The following CDH10 variants were observed in gnomAD, a reference collection of about 807,000 sequenced individuals.
The protein encoded by CDH10 is cadherin-10.
A neutral mutation model predicts 73.1 loss-of-function variants in CDH10; 30 were observed. That is an observed-to-expected ratio of 0.41 (90% CI 0.31 to 0.56). The LOEUF is 0.56. Ranked by LOEUF, CDH10 falls within the 20% of genes least tolerant of loss-of-function variation. The pLI, the probability that CDH10 is intolerant of heterozygous loss-of-function variation, is 0.27. For missense variants in CDH10, 815 were observed against 973.7 expected, an observed-to-expected ratio of 0.84 and a Z score of 2.17; for synonymous variants, 345 against 348.2, an observed-to-expected ratio of 0.99 and a Z score of 0.10.
intron 5 of CDH10, among the ~76,000 whole-genome samples, chr5:24,533,257 G>A (rs1743813912): frequency 6.6e-6 from 1 of 151,708 alleles, no homozygotes; most frequent in South Asian, 2.1e-4. Context: ...AACCCGGGAG[G>A]TGGAGGTTGC....
chr5:24,536,815 G>A (rs1049466564), intron 3 of CDH10, among the ~76,000 whole-genome samples: 1 of 151,468 alleles, frequency 6.6e-6, no homozygotes, highest in Non-Finnish European at 1.5e-5. Context: ...TTTTCAACTG[G>A]TTTTTTTCGA....
At position 24,504,776 on chromosome 5, in the gene CDH10, G is replaced by A. The variant is rs182808637; in HGVS notation, c.1393+336C>T. ...CCTGACCTCGTGATCCGCCCACCTC[G>A]GCCTCCCAAAGTGCTGGGATTACAG... On this transcript the variant is annotated intron_variant, in intron 8 of 11. Transcript: ENST00000264463. Among the ~76,000 whole-genome samples, 952 of 151,442 alleles carry A rather than the reference G, an allele frequency of 6.3e-3. 5 individuals are homozygous for A. The highest frequency in any genetic ancestry group is 0.011 in the Non-Finnish European group (755 of 67,854).
At position 24,586,642 on chromosome 5, in the gene CDH10, G is replaced by C. The variant is rs543489870; in HGVS notation, c.231+6618C>G. On this transcript the variant is annotated intron_variant, in intron 2 of 11. Transcript: ENST00000264463. ...GTATTTTTAGTAGAAACAAGATTTC[G>C]CCATGTTGGTCAGGCTGGTCTCGAA... Among the ~76,000 whole-genome samples, 14 of 150,500 alleles carry C rather than the reference G, an allele frequency of 9.3e-5. No individual in the cohort carries two copies. In the East Asian group the frequency reaches 2.8e-3, roughly 30 times the overall value.
rs1745884046 is a variant in CDH10, at chr5:24,583,832, A to T, written c.231+9428T>A. Among the ~76,000 whole-genome samples, 2 of 152,120 alleles carry T rather than the reference A, an allele frequency of 1.3e-5. 1 individual carries two copies. Among genetic ancestry groups the T allele is most frequent in the Admixed American group, 1.3e-4 (2 of 15,274 alleles). On this transcript the variant is annotated intron_variant, in intron 2 of 11. Coordinates refer to ENST00000264463, the MANE Select transcript of CDH10 (RefSeq NM_006727.5). ...GCTAATTTTTGTATTTTTAGTAGAG[A>T]TGGGGTTTCCTCATCTTGGCCAGGC...
chr5:24,619,376 G>A (rs1747234382), intron 1 of CDH10, among the ~76,000 whole-genome samples: 1 of 152,050 alleles, frequency 6.6e-6, no homozygotes, highest in South Asian at 2.1e-4. Flanking sequence ...TGTATTTTTA[G>A]TAGAGACGAG....
intron 3 of CDH10, 78 bp from the exon 4 acceptor site, chr5:24,535,900 G>C: frequency 9.3e-7 from 1 of 1,073,658 alleles, no homozygotes; most frequent in Non-Finnish European, 1.3e-6. Flanking sequence ...TTGAAGACTT[G>C]AATGATTTCT....
At chr5:24,576,499 A>C (rs572980468) in intron 2 of CDH10, among the ~76,000 whole-genome samples, 1 of 152,234 alleles carries the variant, frequency 6.6e-6, no homozygotes, top group South Asian at 2.1e-4. Context: ...TGAGACTGAG[A>C]CATCTTGCAG....
chr5:24,510,735 G>C (rs1018773729), intron 6 of CDH10, among the ~76,000 whole-genome samples: 2 of 152,110 alleles, frequency 1.3e-5, no homozygotes, highest in African/African-American at 4.8e-5. Context: ...ATTTCATTAG[G>C]ACCTAAAGTT....
chr5:24,554,100 G>A (rs1744665148), intron 2 of CDH10: 1 of 59,860 alleles, frequency 1.7e-5, no homozygotes, highest in Non-Finnish European at 3.4e-5. Flanking sequence ...AGAGAGAGAA[G>A]GGGAGGTGGG....
At position 24,598,235 on chromosome 5, in the gene CDH10, T is replaced by A. The variant is rs116420930; in HGVS notation, c.-123-4622A>T. Among the ~76,000 whole-genome samples, 317 of 152,108 alleles carry A rather than the reference T, an allele frequency of 2.1e-3. 1 individual carries two copies. The highest frequency in any genetic ancestry group is 7.2e-3 in the African/African-American group (301 of 41,550). ...TGAATCAAAGCATTACACTAAGGAC[T>A]CAAATAATATGAGTCCATATGCTTG... is the stretch of plus-strand genomic sequence containing the variant. On this transcript the variant is annotated intron_variant, in intron 1 of 11. Coordinates refer to ENST00000264463, the MANE Select transcript of CDH10 (RefSeq NM_006727.5).
chr5:24,568,514 A>G (rs1745245856), intron 2 of CDH10, among the ~76,000 whole-genome samples: 2 of 151,790 alleles, frequency 1.3e-5, no homozygotes, highest in African/African-American at 2.4e-5. Context: ...GTCAAGAATC[A>G]GGTGAAATTG....
chr5:24,621,693 A>ATC (rs71912290), intron 1 of CDH10, among the ~76,000 whole-genome samples: 2 of 151,988 alleles, frequency 1.3e-5, no homozygotes, highest in Non-Finnish European at 2.9e-5. Context: ...AGCCTAGTTG[A>ATC]TCTCTCTCTC....
chr5:24,613,351 T>C (rs529786136), intron 1 of CDH10: 28 of 152,200 alleles, frequency 1.8e-4, no homozygotes, highest in African/African-American at 6.3e-4. Flanking sequence ...CGTGGTTACA[T>C]AAGACTCATT....
At chr5:24,559,618 G>T (rs1163239916) in intron 2 of CDH10, among the ~76,000 whole-genome samples, 8 of 151,984 alleles carry the variant, frequency 5.3e-5, no homozygotes, top group Admixed American at 5.2e-4. Flanking sequence ...TTCTGATATT[G>T]TGAAATTGTG....
intron 7 of CDH10, among the ~76,000 whole-genome samples, chr5:24,508,710 G>A (rs963101490): frequency 6.7e-6 from 1 of 148,852 alleles, no homozygotes; most frequent in Non-Finnish European, 1.5e-5. Flanking sequence ...ATAGAGACAG[G>A]GTCTCAGTAT....
At chr5:24,597,171 A>G (rs1430805440) in intron 1 of CDH10, among the ~76,000 whole-genome samples, 1 of 152,090 alleles carries the variant, frequency 6.6e-6, no homozygotes, top group African/African-American at 2.4e-5. Context: ...CCATTCTGCA[A>G]TCCCATATTT....
intron 2 of CDH10, among the ~76,000 whole-genome samples, chr5:24,555,466 T>C (rs1317189468): frequency 6.6e-6 from 1 of 152,100 alleles, no homozygotes; most frequent in African/African-American, 2.4e-5. Context: ...GATGTAGACA[T>C]TAATTACTCT....
chr5:24,491,796 A>AT lies in CDH10; in HGVS notation c.1655dup (p.Asn552LysfsTer5), dbSNP rs754722288. On this transcript the variant is annotated frameshift_variant, in exon 11 of 12. Coordinates refer to ENST00000264463, the MANE Select transcript of CDH10 (RefSeq NM_006727.5). LOFTEE classifies it high-confidence loss of function. ...TACTGATTTCATGTCTATTGAATCCATTTTTTCTGGTTAAGATTCTGGCAG... is the reference window on the plus strand; with the variant it reads ...TACTGATTTCATGTCTATTGAATCCATTTTTTTCTGGTTAAGATTCTGGCAG... 3.7e-6 allele frequency: 6 copies of AT among 1,601,878 alleles called. No homozygotes were observed. Among genetic ancestry groups the AT allele is most frequent in the Non-Finnish European group, 5.1e-6 (6 of 1,169,358 alleles).
chr5:24,630,489 G>A (rs1747666850), intron 1 of CDH10, among the ~76,000 whole-genome samples: 1 of 151,020 alleles, frequency 6.6e-6, no homozygotes, highest in Admixed American at 6.6e-5. Context: ...GGAGGCGGAA[G>A]CTGCAGTGAT....
Sources: gnomAD v4.1 joint callset for allele counts (sites outside exome capture counted in the v4.1 genomes callset) on GRCh38, gnomAD v4.1.1 for gene constraint, MANE v1.5 for transcripts, NCBI Gene and HGNC (gene_info 2026-07-23, HGNC 2026-07-21) for gene names.